The following COL4A1 variants were observed in gnomAD, a reference collection of about 807,000 sequenced individuals.
COL4A1 encodes the protein collagen type IV alpha 1 chain, also known as collagen alpha-1(IV) chain.
In COL4A1, 40 loss-of-function variants were observed where a neutral mutation model predicts 216.6. The ratio of observed to expected loss-of-function variants is 0.18; its 90% confidence interval spans 0.14 to 0.24. The LOEUF is 0.24. Among genes scored for constraint, COL4A1 ranks in the 10% least tolerant of loss-of-function variants. The pLI, the probability that COL4A1 is intolerant of heterozygous loss-of-function variation, is 1.00. For missense variants in COL4A1, 1,628 were observed against 2,196.8 expected (o/e 0.74, Z 5.18); for synonymous variants, 839 against 810.7 (o/e 1.03, Z -0.59).
intron 2 of COL4A1, among the ~76,000 whole-genome samples, chr13:110,236,934 G>T (rs1881341976): frequency 6.6e-6 from 1 of 152,154 alleles, no homozygotes; most frequent in Non-Finnish European, 1.5e-5. Context: ...CTGCTGACTG[G>T]CTGACCTGCC....
chr13:110,169,914 CAGGA>C (rs938566478), intron 42 of COL4A1, 152 bp from the exon 43 acceptor site: 7 of 444,882 alleles, frequency 1.6e-5, no homozygotes, highest in African/African-American at 4.7e-5. Flanking sequence ...GAGGCAGGTC[CAGGA>C]AGGAAGGAAG....
At chr13:110,175,187 AG>A (rs1359229454) in intron 37 of COL4A1, 30 bp downstream of exon 37, 1 of 1,613,814 alleles carries the variant, frequency 6.2e-7, no homozygotes, top group Non-Finnish European at 8.5e-7. Flanking sequence ...AGCTGGGAGA[AG>A]GGGACCTTTC....
intron 1 of COL4A1, among the ~76,000 whole-genome samples, chr13:110,294,551 T>C (rs1485707423): frequency 6.6e-6 from 1 of 152,220 alleles, no homozygotes; most frequent in Non-Finnish European, 1.5e-5. Flanking sequence ...ACCCATTTCC[T>C]ACTGGAGAGA....
chr13:110,219,916 GTA>G (rs1285875064), intron 2 of COL4A1, among the ~76,000 whole-genome samples: 27 of 122,062 alleles, frequency 2.2e-4, no homozygotes, highest in African/African-American at 7.9e-4. Flanking sequence ...ATATATGTGT[GTA>G]TATATATGTA....
intron 1 of COL4A1, among the ~76,000 whole-genome samples, chr13:110,263,853 A>G (rs1882923584): frequency 6.6e-6 from 1 of 152,260 alleles, no homozygotes; most frequent in South Asian, 2.1e-4. Context: ...CATTAGGGCC[A>G]AGTAAAAATG....
At chr13:110,259,966 A>T (rs1457515218) in intron 1 of COL4A1, among the ~76,000 whole-genome samples, 1 of 152,030 alleles carries the variant, frequency 6.6e-6, no homozygotes, top group Non-Finnish European at 1.5e-5. Flanking sequence ...CATCCCCGTT[A>T]CTCTGAAGGC....
chr13:110,291,721 G>A (rs892506659), intron 1 of COL4A1, among the ~76,000 whole-genome samples: 38 of 152,200 alleles, frequency 2.5e-4, no homozygotes, highest in Non-Finnish European at 3.7e-4. Flanking sequence ...TTCTTTAGTG[G>A]GTTATTTACT....
At chr13:110,177,776 A>C (rs1170457296) in intron 33 of COL4A1, 66 bp downstream of exon 33, 1 of 1,521,212 alleles carries the variant, frequency 6.6e-7, no homozygotes, top group African/African-American at 1.4e-5. Context: ...TGACAACTTG[A>C]GAATTTCCCA....
At chr13:110,302,099 G>T (rs1273411603) in intron 1 of COL4A1, among the ~76,000 whole-genome samples, 2 of 152,156 alleles carry the variant, frequency 1.3e-5, no homozygotes, top group Non-Finnish European at 1.5e-5. Flanking sequence ...CCGTGGGAAG[G>T]GAAAGCTGCG....
intron 49 of COL4A1, among the ~76,000 whole-genome samples, chr13:110,159,297 CTTT>C (rs1876952167): frequency 6.6e-6 from 1 of 152,016 alleles, no homozygotes; most frequent in Non-Finnish European, 1.5e-5. Flanking sequence ...TATTGTATAA[CTTT>C]TTATGTATAA....
chr13:110,254,684 T>C (rs916211919), intron 1 of COL4A1, among the ~76,000 whole-genome samples: 2 of 152,198 alleles, frequency 1.3e-5, no homozygotes, highest in African/African-American at 4.8e-5. Flanking sequence ...TTTGTGCTCA[T>C]CTTCTCCCCC....
intron 2 of COL4A1, among the ~76,000 whole-genome samples, chr13:110,223,079 C>T (rs180947668): frequency 1.3e-3 from 191 of 152,230 alleles, no homozygotes; most frequent in African/African-American, 4.5e-3. Flanking sequence ...AGCATTTTCA[C>T]ATCCATTTTA....
At chr13:110,256,088 A>T (rs1283725347) in intron 1 of COL4A1, among the ~76,000 whole-genome samples, 1 of 151,572 alleles carries the variant, frequency 6.6e-6, no homozygotes. Flanking sequence ...TGTTCTTCTT[A>T]TCTATTAAAT....
At chr13:110,238,273 C>T (rs1402484765) in intron 2 of COL4A1, among the ~76,000 whole-genome samples, 8 of 152,234 alleles carry the variant, frequency 5.3e-5, no homozygotes, top group Non-Finnish European at 1.2e-4. Context: ...TACAATTCTA[C>T]TTAATTGAGA....
At chr13:110,187,977 T>C (rs1267650765) in intron 24 of COL4A1, among the ~76,000 whole-genome samples, 1 of 152,216 alleles carries the variant, frequency 6.6e-6, no homozygotes, top group Non-Finnish European at 1.5e-5. Context: ...GGGCCAGCTC[T>C]AAAATGAGTT....
chr13:110,249,429 G>A (rs1881980245), intron 1 of COL4A1, among the ~76,000 whole-genome samples: 1 of 152,138 alleles, frequency 6.6e-6, no homozygotes, highest in Admixed American at 6.5e-5. Flanking sequence ...GAGAAACGAT[G>A]GGGTATATTC....
intron 41 of COL4A1, among the ~76,000 whole-genome samples, chr13:110,171,908 C>T (rs1006294884): frequency 5.9e-5 from 9 of 152,226 alleles, no homozygotes; most frequent in African/African-American, 1.9e-4. Flanking sequence ...GCAGCCCACC[C>T]GGCACCAGGC....
chr13:110,163,624 T>C, intron 46 of COL4A1, 63 bp from the exon 47 acceptor site: 1 of 1,428,432 alleles, frequency 7.0e-7, no homozygotes, highest in Non-Finnish European at 9.7e-7. Context: ...CTTTCTTCCC[T>C]TCTTAAATGT....
chr13:110,201,503 A>G lies in COL4A1; in HGVS notation c.1019T>C (p.Leu340Ser), dbSNP rs2139191610. Residue 340 changes from leucine to serine, a missense_variant, in exon 19 of 52, where the codon TTG (leucine) becomes TCG (serine). Leu to Ser is a moderately radical substitution (Grantham distance 145). Around this residue, in one of 8 missense-constraint regions of COL4A1, gnomAD observed 701 missense variants for 892.5 expected, o/e 0.79. Coordinates refer to ENST00000375820, the MANE Select transcript of COL4A1 (RefSeq NM_001845.6). ...GTAGCCCCTCTCTCCTTTTTCTCCC[A>G]AAGGTCCTGTGCCTATAACCTGAAT... ...PPGIVIGTGP[L>S]GEKGERGYPG... 2 of 1,614,152 alleles carry G rather than the reference A, an allele frequency of 1.2e-6. No homozygotes were observed. The highest frequency in any genetic ancestry group is 1.7e-6 in the Non-Finnish European group (2 of 1,180,014).
Sources: allele counts gnomAD v4.1 joint callset (sites outside exome capture counted in the v4.1 genomes callset), GRCh38; gene constraint gnomAD v4.1.1; regional missense constraint gnomAD v4.1.1; transcripts MANE v1.5; gene names NCBI Gene and HGNC (gene_info 2026-07-23, HGNC 2026-07-21).